ASTN2: variants seen among roughly 807,000 people sequenced by gnomAD.
ASTN2 encodes astrotactin-2.
In ASTN2, 54 loss-of-function variants were observed where a neutral mutation model predicts 139.8. The observed-to-expected ratio is 0.39, with a 90% CI of 0.31 to 0.48. The LOEUF is 0.48. Among genes scored for constraint, ASTN2 ranks in the 20% least tolerant of loss-of-function variants. The probability of loss-of-function intolerance (pLI) is 0.95; values close to 1 mark genes in which losing one functional copy is unlikely to be tolerated. For synonymous variants in ASTN2, 756 were observed against 719.5 expected, an observed-to-expected ratio of 1.05 and a Z score of -0.81; for missense variants, 1,565 against 1,725.1, an observed-to-expected ratio of 0.91 and a Z score of 1.64.
chr9:117,229,720 A>G lies in ASTN2; in HGVS notation c.631-14978T>C, dbSNP rs113495530. On this transcript the variant is annotated intron_variant, in intron 2 of 22. Coordinates refer to ENST00000313400, the MANE Select transcript of ASTN2 (RefSeq NM_001365068.1). The stretch of plus-strand genomic sequence containing the variant: ...CCATATCGGTGAGGGGTCTGGGCTC[A>G]CTCAAGAACAACTAGCCTGGGTTCC... 7.8e-3 allele frequency among the ~76,000 whole-genome samples: 1,183 copies of G among 152,234 alleles called. 17 individuals are homozygous for G. Among genetic ancestry groups the G allele is most frequent in the African/African-American group, 0.027 (1,122 of 41,530 alleles).
At chr9:116,569,478 G>A (rs1456086877) in intron 19 of ASTN2, among the ~76,000 whole-genome samples, 3 of 152,176 alleles carry the variant, frequency 2.0e-5, no homozygotes, top group African/African-American at 4.8e-5. Flanking sequence ...TACCAGTAAA[G>A]AACTAGACAA....
chr9:116,735,128 G>A (rs570657476), intron 13 of ASTN2, among the ~76,000 whole-genome samples: 1 of 152,276 alleles, frequency 6.6e-6, no homozygotes, highest in South Asian at 2.1e-4. Flanking sequence ...GTCTGGTTGG[G>A]CCTAAGACTG....
chr9:116,626,154 G>GTTTTTTTTTTTTTTTTTTT (rs751026997), intron 17 of ASTN2, among the ~76,000 whole-genome samples: 1 of 34,414 alleles, frequency 2.9e-5, no homozygotes, highest in Non-Finnish European at 5.6e-5. Flanking sequence ...TAGTTTTTGT[G>GTTTTTTTTTTTTTTTTTTT]TTTTTTTTTT....
intron 13 of ASTN2, among the ~76,000 whole-genome samples, chr9:116,737,141 A>G (rs1828947228): frequency 6.6e-6 from 1 of 152,234 alleles, no homozygotes; most frequent in Admixed American, 6.5e-5. Flanking sequence ...TGAAGCCCGA[A>G]TGAACAGCCC....
At chr9:117,027,766 G>T (rs973664421) in intron 6 of ASTN2, among the ~76,000 whole-genome samples, 1 of 152,108 alleles carries the variant, frequency 6.6e-6, no homozygotes, top group Non-Finnish European at 1.5e-5. Context: ...TTCCATAGTA[G>T]CCTTTTGCTA....
At chr9:116,586,781 GAATCCAAAAATCTAA>G (rs1854161371) in intron 19 of ASTN2, among the ~76,000 whole-genome samples, 1 of 137,870 alleles carries the variant, frequency 7.3e-6, no homozygotes, top group Admixed American at 7.7e-5. Flanking sequence ...TGTACCCCTT[GAATCCAAAAATCTAA>G]AATACCAGTT....
intron 10 of ASTN2, among the ~76,000 whole-genome samples, chr9:116,889,720 T>TACACACACAC (rs9299242): frequency 1.3e-4 from 18 of 136,680 alleles, no homozygotes; most frequent in South Asian, 1.3e-3. Context: ...ACCTTGTCTC[T>TACACACACAC]ACACACACAC....
intron 13 of ASTN2, among the ~76,000 whole-genome samples, chr9:116,769,676 A>G (rs1829904825): frequency 6.6e-6 from 1 of 152,206 alleles, no homozygotes; most frequent in South Asian, 2.1e-4. Context: ...ATATATGTGT[A>G]TGTGGCACAA....
intron 5 of ASTN2, among the ~76,000 whole-genome samples, chr9:117,087,199 T>G (rs1036433908): frequency 4.0e-5 from 6 of 150,574 alleles, no homozygotes; most frequent in African/African-American, 1.5e-4. Flanking sequence ...TTTTTTCTTT[T>G]CCTTTTTCAT....
At chr9:117,172,220 C>T (rs1830810973) in intron 3 of ASTN2, among the ~76,000 whole-genome samples, 1 of 152,146 alleles carries the variant, frequency 6.6e-6, no homozygotes, top group Non-Finnish European at 1.5e-5. Flanking sequence ...TGACATTGTT[C>T]ATATTCTATG....
At chr9:117,259,738 TG>T (rs1833777158) in intron 2 of ASTN2, among the ~76,000 whole-genome samples, 2 of 152,196 alleles carry the variant, frequency 1.3e-5, no homozygotes, top group Admixed American at 6.6e-5. Context: ...TGATGTATTA[TG>T]TCTCCCTAAA....
At chr9:117,382,001 G>A (rs1020674693) in intron 1 of ASTN2, among the ~76,000 whole-genome samples, 26 of 152,180 alleles carry the variant, frequency 1.7e-4, no homozygotes, top group Admixed American at 1.2e-3. Context: ...CTGGGAGCAA[G>A]AGAGAGTGAT....
chr9:117,225,310 T>C (rs1005711539), intron 2 of ASTN2, among the ~76,000 whole-genome samples: 3 of 151,686 alleles, frequency 2.0e-5, no homozygotes, highest in Non-Finnish European at 4.4e-5. Flanking sequence ...TGTCCTCAGG[T>C]GGCCTCTCAA....
chr9:116,964,256 T>TGTGTGTGC (rs1491183340), intron 10 of ASTN2, among the ~76,000 whole-genome samples: 4 of 98,920 alleles, frequency 4.0e-5, no homozygotes, highest in East Asian at 4.1e-4. Flanking sequence ...TGTGTGTGTG[T>TGTGTGTGC]GCGCGCGCGC....
intron 3 of ASTN2, among the ~76,000 whole-genome samples, chr9:117,212,170 T>C (rs1588086906): frequency 6.6e-6 from 1 of 152,258 alleles, no homozygotes; most frequent in East Asian, 1.9e-4. Flanking sequence ...GAAATGGCAG[T>C]CTCTCCAGTA....
intron 20 of ASTN2, among the ~76,000 whole-genome samples, chr9:116,479,959 C>T (rs1381393476): frequency 6.6e-6 from 1 of 152,174 alleles, no homozygotes; most frequent in Non-Finnish European, 1.5e-5. Flanking sequence ...GTCAAGTTAC[C>T]TAACCTCTCT....
chr9:116,720,942 C>T (rs548097561), intron 16 of ASTN2, among the ~76,000 whole-genome samples: 4 of 152,262 alleles, frequency 2.6e-5, no homozygotes, highest in East Asian at 3.9e-4. Context: ...TGGGTCACAA[C>T]GATGACAAGG....
intron 1 of ASTN2, among the ~76,000 whole-genome samples, chr9:117,396,336 C>T (rs1200465976): frequency 2.0e-5 from 3 of 152,116 alleles, no homozygotes; most frequent in Admixed American, 6.6e-5. Flanking sequence ...TAGAACATTT[C>T]GGGCCTCCCC....
intron 10 of ASTN2, among the ~76,000 whole-genome samples, chr9:116,956,094 CTTTTTT>C (rs71379245): frequency 1.3e-4 from 15 of 119,144 alleles, no homozygotes; most frequent in Non-Finnish European, 1.7e-4. Context: ...TTTTTCTTTT[CTTTTTT>C]TTTTTTTTTT....
Sources: gnomAD v4.1 joint callset for allele counts (sites outside exome capture counted in the v4.1 genomes callset) on GRCh38, gnomAD v4.1.1 for gene constraint, MANE v1.5 for transcripts, NCBI Gene and HGNC (gene_info 2026-07-23, HGNC 2026-07-21) for gene names.